Variants in TAFA2 observed in about 807,000 individuals in gnomAD.
The protein encoded by TAFA2 is TAFA chemokine like family member 2.
In TAFA2, 7 loss-of-function variants were observed where a neutral mutation model predicts 18.8. The ratio of observed to expected loss-of-function variants is 0.37; its 90% CI spans 0.21 to 0.70. TAFA2 has a LOEUF of 0.70. TAFA2 is among the 30% of genes least tolerant of loss of function. The pLI, the probability that TAFA2 is intolerant of heterozygous loss-of-function variation, is 0.53. For missense variants in TAFA2, 122 were observed against 158.1 expected (o/e 0.77, Z 1.23); for synonymous variants, 60 against 54.2 (o/e 1.11, Z -0.47).
intron 1 of TAFA2, among the ~76,000 whole-genome samples, chr12:61,931,302 G>T (rs1036554075): frequency 2.6e-5 from 4 of 151,996 alleles, no homozygotes; most frequent in African/African-American, 9.7e-5. Flanking sequence ...TATTAGATTG[G>T]AAATCTCAGG....
chr12:61,824,613 T>C (rs999937981), intron 2 of TAFA2, among the ~76,000 whole-genome samples: 15 of 152,198 alleles, frequency 9.9e-5, no homozygotes, highest in African/African-American at 3.6e-4. Flanking sequence ...AAGCACATCT[T>C]AGATAATGAA....
At chr12:62,197,899 G>T (rs935075445) in intron 1 of TAFA2, among the ~76,000 whole-genome samples, 2 of 152,110 alleles carry the variant, frequency 1.3e-5, no homozygotes, top group Non-Finnish European at 2.9e-5. Context: ...TAAAAATAAA[G>T]CTGCTATGAA....
intron 1 of TAFA2, among the ~76,000 whole-genome samples, chr12:62,102,405 A>G (rs759417532): frequency 3.3e-5 from 5 of 152,220 alleles, no homozygotes; most frequent in Admixed American, 1.3e-4. Flanking sequence ...TAAATTAAAC[A>G]TCAACATTTA....
At chr12:62,032,193 A>G (rs981207293) in intron 1 of TAFA2, among the ~76,000 whole-genome samples, 1 of 152,198 alleles carries the variant, frequency 6.6e-6, no homozygotes, top group Middle Eastern at 3.2e-3. Context: ...AATTTTAACA[A>G]TAACATAATG....
intron 1 of TAFA2, among the ~76,000 whole-genome samples, chr12:62,254,721 T>C (rs1441218436): frequency 2.0e-5 from 3 of 152,250 alleles, no homozygotes; most frequent in Non-Finnish European, 4.4e-5. Flanking sequence ...GTGTGGTCTA[T>C]AGTGTCCTGT....
At chr12:61,857,415 G>A (rs866283946) in intron 2 of TAFA2, among the ~76,000 whole-genome samples, 1 of 152,076 alleles carries the variant, frequency 6.6e-6, no homozygotes, top group Non-Finnish European at 1.5e-5. Context: ...TTTTCAGAGT[G>A]GTGAGAGGGG....
At chr12:61,939,221 A>G (rs926218368) in intron 1 of TAFA2, among the ~76,000 whole-genome samples, 22 of 152,332 alleles carry the variant, frequency 1.4e-4, no homozygotes, top group African/African-American at 5.0e-4. Flanking sequence ...AATTAATTTA[A>G]AAAGACATTA....
At chr12:62,109,591 A>T (rs1869627051) in intron 1 of TAFA2, among the ~76,000 whole-genome samples, 1 of 152,206 alleles carries the variant, frequency 6.6e-6, no homozygotes, top group Non-Finnish European at 1.5e-5. Flanking sequence ...TTGTCACAAT[A>T]TTGATTCTTC....
At chr12:61,759,863 G>T (rs1055477162) in intron 2 of TAFA2, among the ~76,000 whole-genome samples, 1 of 151,970 alleles carries the variant, frequency 6.6e-6, no homozygotes, top group Non-Finnish European at 1.5e-5. Context: ...GGTAAGTTTG[G>T]CATGCCAGAG....
chr12:61,936,125 T>G (rs112202183), intron 1 of TAFA2, among the ~76,000 whole-genome samples: 1 of 152,056 alleles, frequency 6.6e-6, no homozygotes, highest in Non-Finnish European at 1.5e-5. Flanking sequence ...AAAAAGATAA[T>G]ATACTATGAT....
chr12:61,879,165 C>T (rs1449781239), intron 1 of TAFA2, among the ~76,000 whole-genome samples: 1 of 152,118 alleles, frequency 6.6e-6, no homozygotes, highest in Non-Finnish European at 1.5e-5. Context: ...AGAGCCAAGA[C>T]CCTGTCTCAA....
chr12:61,760,983 A>G (rs970929628), intron 2 of TAFA2, among the ~76,000 whole-genome samples: 2 of 151,972 alleles, frequency 1.3e-5, no homozygotes, highest in Non-Finnish European at 2.9e-5. Context: ...AGATTTCATT[A>G]AATTCTCATG....
intron 2 of TAFA2, among the ~76,000 whole-genome samples, chr12:61,794,041 A>C (rs1198207754): frequency 1.3e-5 from 2 of 151,982 alleles, no homozygotes; most frequent in African/African-American, 2.4e-5. Context: ...CTAGGTATAG[A>C]AAACAACTTC....
At position 62,143,677 on chromosome 12, in the gene TAFA2, C is replaced by T. The variant is rs560290643; in HGVS notation, c.-2+47582G>A. 7.2e-5 allele frequency among the ~76,000 whole-genome samples: 11 copies of T among 152,224 alleles called. No homozygotes were observed. In the East Asian group the frequency reaches 1.7e-3, roughly 24 times the overall value. ...CTAATGGCAGCCTCTGCCCACCCCC[C>T]ACAACCTTATTAACCAAATCTCTTC... On this transcript the variant is annotated intron_variant, in intron 1 of 4. Coordinates refer to ENST00000416284, the MANE Select transcript of TAFA2 (RefSeq NM_178539.5).
chr12:61,965,339 A>G (rs768967774), intron 1 of TAFA2, among the ~76,000 whole-genome samples: 10 of 152,032 alleles, frequency 6.6e-5, no homozygotes, highest in African/African-American at 1.2e-4. Flanking sequence ...CAGTGTCTCA[A>G]TCTTGGACTG....
intron 4 of TAFA2, among the ~76,000 whole-genome samples, chr12:61,721,219 G>A (rs1020896634): frequency 1.3e-5 from 2 of 152,050 alleles, no homozygotes; most frequent in African/African-American, 4.8e-5. Context: ...GTGAGTATTT[G>A]GGGAGCATTC....
intron 1 of TAFA2, among the ~76,000 whole-genome samples, chr12:62,216,583 G>T (rs748933457): frequency 6.6e-6 from 1 of 152,162 alleles, no homozygotes; most frequent in Non-Finnish European, 1.5e-5. Flanking sequence ...TCCAACTATA[G>T]ATGTTGTCCC....
rs111768629 is a variant in TAFA2 at position 61,958,831 on chromosome 12, C to T, written c.-1-91405G>A. On this transcript the variant is annotated intron_variant, in intron 1 of 4. Coordinates refer to ENST00000416284, the MANE Select transcript of TAFA2 (RefSeq NM_178539.5). ...CCCATTATTTTTTCTATATAGGTAA[C>T]GGACTATTAGTCTAAGGAGATTTCC... Among the ~76,000 whole-genome samples, 569 of 152,052 alleles carry T rather than the reference C, an allele frequency of 3.7e-3. 1 individual carries two copies. The highest frequency in any genetic ancestry group is 5.9e-3 in the Non-Finnish European group (402 of 67,934).
chr12:62,145,378 G>T (rs554152293), intron 1 of TAFA2, among the ~76,000 whole-genome samples: 2 of 152,220 alleles, frequency 1.3e-5, no homozygotes, highest in East Asian at 3.9e-4. Context: ...TCCGGGATGC[G>T]TGCTCCTTAT....
Sources: gnomAD v4.1 joint callset for allele counts (sites outside exome capture counted in the v4.1 genomes callset) on GRCh38, gnomAD v4.1.1 for gene constraint, MANE v1.5 for transcripts, NCBI Gene and HGNC (gene_info 2026-07-23, HGNC 2026-07-21) for gene names.